PDE4D: variants seen among roughly 807,000 people sequenced by gnomAD.
PDE4D encodes the protein 3',5'-cyclic-AMP phosphodiesterase 4D.
In PDE4D, 24 loss-of-function variants were observed where a neutral mutation model predicts 87.4. That is an observed-to-expected ratio of 0.27 (90% CI 0.20 to 0.39). The LOEUF (loss-of-function observed/expected upper bound fraction) is 0.39, where lower values mean the gene tolerates loss of function less well. Among genes scored for constraint, PDE4D ranks in the 10% least tolerant of loss-of-function variants. PDE4D has a pLI of 1.00. For missense variants in PDE4D, 714 were observed against 1,041.0 expected, an observed-to-expected ratio of 0.69 and a Z score of 4.32; for synonymous variants, 384 against 383.2, an observed-to-expected ratio of 1.00 and a Z score of -0.02.
At chr5:59,004,499 T>C (rs1282349850) in intron 6 of PDE4D, among the ~76,000 whole-genome samples, 1 of 152,230 alleles carries the variant, frequency 6.6e-6, no homozygotes, top group African/African-American at 2.4e-5. Context: ...AGGGGTGTTA[T>C]GTTAGAAAAA....
At chr5:60,261,765 T>C (rs1442123217) in intron 1 of PDE4D, among the ~76,000 whole-genome samples, 1 of 152,108 alleles carries the variant, frequency 6.6e-6, no homozygotes. Context: ...AAAAGTCTCT[T>C]CAATTAAGTA....
At chr5:58,980,104 G>A (rs1744749421) in intron 11 of PDE4D, among the ~76,000 whole-genome samples, 1 of 152,122 alleles carries the variant, frequency 6.6e-6, no homozygotes, top group Non-Finnish European at 1.5e-5. Flanking sequence ...ACATTTTAAG[G>A]CTATGTTCCA....
At chr5:60,343,165 T>A (rs1758449599) in intron 1 of PDE4D, among the ~76,000 whole-genome samples, 1 of 152,194 alleles carries the variant, frequency 6.6e-6, no homozygotes, top group Admixed American at 6.5e-5. Context: ...ATTTTTATCA[T>A]GCTCCTAAAA....
At chr5:59,142,903 C>T (rs10058676) in intron 5 of PDE4D, among the ~76,000 whole-genome samples, 19,038 of 151,954 alleles carry the variant, frequency 0.13, 1,309 homozygotes, top group Non-Finnish European at 0.15. Flanking sequence ...GGTGACAGAG[C>T]GAGACTCCAT....
intron 1 of PDE4D, among the ~76,000 whole-genome samples, chr5:60,405,365 C>T (rs1206581579): frequency 6.6e-6 from 1 of 152,196 alleles, no homozygotes; most frequent in Non-Finnish European, 1.5e-5. Context: ...TCTCAACTAC[C>T]AAGAATACTT....
chr5:59,493,233 C>T (rs1806547794), intron 1 of PDE4D, among the ~76,000 whole-genome samples: 1 of 152,054 alleles, frequency 6.6e-6, no homozygotes, highest in Non-Finnish European at 1.5e-5. Context: ...GAATGAAAAC[C>T]TCTTATTTTG....
chr5:59,164,286 T>C (rs1781570633), intron 5 of PDE4D, among the ~76,000 whole-genome samples: 1 of 152,216 alleles, frequency 6.6e-6, no homozygotes, highest in Admixed American at 6.5e-5. Context: ...TTTTCTTTAC[T>C]TCATTGTTGC....
chr5:60,430,240 CCTT>C (rs994467462), intron 1 of PDE4D: 36 of 514,228 alleles, frequency 7.0e-5, no homozygotes, highest in East Asian at 2.2e-4. Context: ...GGCGAATGAC[CCTT>C]CTTCTTCTCA....
At chr5:60,255,118 G>A (rs896599703) in intron 1 of PDE4D, among the ~76,000 whole-genome samples, 2 of 151,786 alleles carry the variant, frequency 1.3e-5, no homozygotes, top group African/African-American at 4.8e-5. Context: ...TTCATATCAA[G>A]GGATGAAAAT....
chr5:59,388,754 T>C (rs1232900000), intron 1 of PDE4D, among the ~76,000 whole-genome samples: 2 of 152,046 alleles, frequency 1.3e-5, no homozygotes, highest in Non-Finnish European at 1.5e-5. Flanking sequence ...AGATATACCA[T>C]GAATGACATG....
chr5:60,019,962 A>G (rs1765881893), intron 2 of PDE4D, among the ~76,000 whole-genome samples: 2 of 152,094 alleles, frequency 1.3e-5, no homozygotes, highest in Non-Finnish European at 2.9e-5. Flanking sequence ...AGCCTATTTC[A>G]GCTTTCAACG....
chr5:60,181,725 A>G (rs7735130), intron 2 of PDE4D, among the ~76,000 whole-genome samples: 8,902 of 152,272 alleles, frequency 0.058, 292 homozygotes, highest in Middle Eastern at 0.085. Context: ...AATGCAAAAG[A>G]CTACAAGAAA....
chr5:59,398,672 A>C (rs1789968477), intron 1 of PDE4D, among the ~76,000 whole-genome samples: 1 of 117,074 alleles, frequency 8.5e-6, no homozygotes, highest in African/African-American at 3.5e-5. Flanking sequence ...AACTGGCACA[A>C]GACAGGGATG....
intron 1 of PDE4D, among the ~76,000 whole-genome samples, chr5:59,355,107 A>G (rs40126): frequency 0.36 from 54,131 of 152,106 alleles, 10,832 homozygotes; most frequent in South Asian, 0.46. Context: ...AGGTATTCAA[A>G]TACATGAAAA....
chr5:59,626,763 A>C (rs2150131104), intron 1 of PDE4D, among the ~76,000 whole-genome samples: 1 of 152,334 alleles, frequency 6.6e-6, no homozygotes, highest in Admixed American at 6.5e-5. Flanking sequence ...TAAATAAATT[A>C]AGGTAATAAC....
chr5:60,265,481 G>T (rs533086767), intron 1 of PDE4D, among the ~76,000 whole-genome samples: 59 of 152,266 alleles, frequency 3.9e-4, no homozygotes, highest in African/African-American at 1.4e-3. Flanking sequence ...CAATGGAGAG[G>T]GAAATTTGTG....
intron 1 of PDE4D, among the ~76,000 whole-genome samples, chr5:60,494,260 G>A (rs1300187035): frequency 6.6e-6 from 1 of 152,148 alleles, no homozygotes; most frequent in East Asian, 1.9e-4. Flanking sequence ...GAATGCACTG[G>A]GGGTAGGGGG....
chr5:60,059,038 A>ATGTGTGTGTGTG (rs1413944284), intron 2 of PDE4D, among the ~76,000 whole-genome samples: 2 of 49,346 alleles, frequency 4.1e-5, no homozygotes, highest in Non-Finnish European at 7.9e-5. Context: ...TGGCATTGTC[A>ATGTGTGTGTGTG]TATGTGTGTG....
At chr5:59,915,702 T>C (rs1343386496) in intron 3 of PDE4D, among the ~76,000 whole-genome samples, 1 of 152,224 alleles carries the variant, frequency 6.6e-6, no homozygotes, top group African/African-American at 2.4e-5. Context: ...TTGCATTATG[T>C]CAGGATTGTA....
Sources: gnomAD v4.1 joint callset for allele counts (sites outside exome capture counted in the v4.1 genomes callset) on GRCh38, gnomAD v4.1.1 for gene constraint, MANE v1.5 for transcripts, NCBI Gene and HGNC (gene_info 2026-07-23, HGNC 2026-07-21) for gene names.